DYNC2LI1: variants seen among roughly 807,000 people sequenced by gnomAD.
DYNC2LI1 encodes dynein cytoplasmic 2 light intermediate chain 1.
A neutral mutation model predicts 51.9 loss-of-function variants in DYNC2LI1; 45 were observed. The observed-to-expected ratio is 0.87, with a 90% CI of 0.68 to 1.11. The LOEUF (loss-of-function observed/expected upper bound fraction) is 1.11. Ranked by LOEUF, DYNC2LI1 falls within the 50% of genes most tolerant of loss-of-function variation. The probability of loss-of-function intolerance (pLI) is 0.00; values close to 1 mark genes in which losing one functional copy is unlikely to be tolerated. For synonymous variants in DYNC2LI1, 130 were observed against 137.8 expected, an observed-to-expected ratio of 0.94 and a Z score of 0.40; for missense variants, 490 against 417.4, an observed-to-expected ratio of 1.17 and a Z score of -1.51.
intron 12 of DYNC2LI1, among the ~76,000 whole-genome samples, chr2:43,807,024 A>G (rs1202387355): frequency 6.6e-6 from 1 of 152,190 alleles, no homozygotes; most frequent in African/African-American, 2.4e-5. Context: ...TTTATGCTTT[A>G]GCTGTAAAGA....
At chr2:43,819,590 T>C in the DYNC2LI1 span, among the ~76,000 whole-genome samples, 11 of 152,120 alleles carry the variant, frequency 7.2e-5, no homozygotes, top group African/African-American at 2.2e-4. Context: ...GCATGCAATT[T>C]ATTTAGCCTA....
rs145298757 is a variant in DYNC2LI1, at chr2:43,786,312, C to T, written c.162-869C>T. Reference sequence around the variant, plus strand: ...TTCCCAGGCTCAAGTGATTCTCCCACCTCAGCCTCCTGAGTAGTTGGGACT... The same window carrying T: ...TTCCCAGGCTCAAGTGATTCTCCCATCTCAGCCTCCTGAGTAGTTGGGACT... On this transcript the variant is annotated intron_variant, in intron 3 of 12. Transcript: ENST00000260605. Among the ~76,000 whole-genome samples, 243 of 152,220 alleles carry T rather than the reference C, an allele frequency of 1.6e-3. 2 individuals carry two copies. The highest frequency in any genetic ancestry group is 6.8e-3 in the Middle Eastern group (2 of 294).
At chr2:43,823,010 T>C in the DYNC2LI1 span, 1 of 1,579,424 alleles carries the variant, frequency 6.3e-7, no homozygotes. Context: ...CCAAGCTGAA[T>C]GTGAGGTCTG....
chr2:43,793,053 G>A (rs934928588), intron 5 of DYNC2LI1: 4 of 288,956 alleles, frequency 1.4e-5, no homozygotes, highest in Non-Finnish European at 2.5e-5. Flanking sequence ...TAATTCTATG[G>A]TGAATTTTTT....
rs953920981 is a variant in DYNC2LI1, at chr2:43,809,793, T to G, written c.*26T>G. 1.9e-6 allele frequency: 3 copies of G among 1,584,712 alleles called. No individual in the cohort carries two copies. In the African/African-American group the frequency reaches 4.1e-5, roughly 22 times the overall value. ...ACCTATTTCAATTATTGTATATTTA[T>G]TTCTTCTTTTCCAAATACAAATAAG... On this transcript the variant is annotated 3_prime_UTR_variant, in exon 13 of 13. Transcript: ENST00000260605.
downstream of DYNC2LI1, among the ~76,000 whole-genome samples, chr2:43,811,026 T>G (rs767245342): frequency 3.3e-5 from 5 of 152,212 alleles, no homozygotes; most frequent in Non-Finnish European, 7.3e-5. Context: ...TGAAGTCACG[T>G]GTGATGTCAG....
the DYNC2LI1 span, among the ~76,000 whole-genome samples, chr2:43,822,082 T>C: frequency 6.6e-6 from 1 of 152,196 alleles, no homozygotes; most frequent in African/African-American, 2.4e-5. Flanking sequence ...AATAACCATT[T>C]TTTGAACTTG....
chr2:43,774,851 CT>C (rs1672940266), intron 1 of DYNC2LI1, among the ~76,000 whole-genome samples: 1 of 152,150 alleles, frequency 6.6e-6, no homozygotes, highest in African/African-American at 2.4e-5. Context: ...ACTGCAGCAC[CT>C]CCGTCTTTCC....
At chr2:43,824,776 C>T in the DYNC2LI1 span, 187 of 1,531,982 alleles carry the variant, frequency 1.2e-4, no homozygotes, top group Non-Finnish European at 1.5e-4. Flanking sequence ...GAGTATAAAA[C>T]ACAAAAACAA....
chr2:43,809,290 C>G (rs898084773), intron 12 of DYNC2LI1, among the ~76,000 whole-genome samples: 2 of 152,082 alleles, frequency 1.3e-5, no homozygotes, highest in South Asian at 4.1e-4. Context: ...CCGCACCCAG[C>G]CTGGGTATGT....
chr2:43,794,853 C>T, intron 6 of DYNC2LI1: 1 of 1,433,316 alleles, frequency 7.0e-7, no homozygotes, highest in Non-Finnish European at 9.1e-7. Flanking sequence ...TGTTAGACAT[C>T]TTCTGTGATT....
intron 5 of DYNC2LI1, among the ~76,000 whole-genome samples, chr2:43,792,448 G>A (rs1193656032): frequency 6.6e-6 from 1 of 152,052 alleles, no homozygotes; most frequent in African/African-American, 2.4e-5. Context: ...CAAGGATTAT[G>A]GTTCTACATA....
At chr2:43,787,809 G>A (rs1673595221) in intron 4 of DYNC2LI1, among the ~76,000 whole-genome samples, 1 of 152,080 alleles carries the variant, frequency 6.6e-6, no homozygotes, top group African/African-American at 2.4e-5. Flanking sequence ...TTTTGGAGTT[G>A]TCACCTGAAA....
the DYNC2LI1 span, among the ~76,000 whole-genome samples, chr2:43,815,697 C>T: frequency 6.6e-6 from 1 of 152,048 alleles, no homozygotes; most frequent in South Asian, 2.1e-4. Context: ...ATGGGACTGA[C>T]TGGACCAGAA....
At chr2:43,798,301 C>T (rs1281120978) in intron 8 of DYNC2LI1, among the ~76,000 whole-genome samples, 3 of 152,228 alleles carry the variant, frequency 2.0e-5, no homozygotes, top group Middle Eastern at 6.8e-3. Context: ...CAAAACATTA[C>T]ACATTTCATT....
chr2:43,820,992 A>T, the DYNC2LI1 span, among the ~76,000 whole-genome samples: 1 of 151,940 alleles, frequency 6.6e-6, no homozygotes, highest in Non-Finnish European at 1.5e-5. Context: ...CCCTATATCC[A>T]TGCACCTTTC....
chr2:43,802,271 C>T (rs77622681), intron 10 of DYNC2LI1, among the ~76,000 whole-genome samples: 1 of 152,178 alleles, frequency 6.6e-6, no homozygotes, highest in African/African-American at 2.4e-5. Context: ...AGGCCCTTAC[C>T]TTCCCACAGA....
intron 6 of DYNC2LI1, 121 bp from the exon 7 acceptor site, chr2:43,795,769 G>A (rs1285533969): frequency 1.1e-5 from 8 of 731,158 alleles, no homozygotes; most frequent in African/African-American, 1.1e-4. Flanking sequence ...TCTATGTCAA[G>A]CAAATTAAGT....
chr2:43,821,783 A>G, the DYNC2LI1 span, among the ~76,000 whole-genome samples: 3 of 151,254 alleles, frequency 2.0e-5, no homozygotes, highest in East Asian at 1.9e-4. Context: ...CCCAATTTCA[A>G]TCTCTCTCCC....
Sources: allele counts gnomAD v4.1 joint callset (sites outside exome capture counted in the v4.1 genomes callset), GRCh38; gene constraint gnomAD v4.1.1; transcripts MANE v1.5; gene names NCBI Gene and HGNC (gene_info 2026-07-23, HGNC 2026-07-21).